OXR1: variants seen among roughly 807,000 people sequenced by gnomAD.
OXR1 encodes oxidation resistance 1, also known as oxidation resistance protein 1.
Under a neutral mutation model 104.6 loss-of-function variants are expected in OXR1, and 41 were observed. The ratio of observed to expected loss-of-function variants is 0.39; its 90% CI spans 0.31 to 0.51. OXR1 has a LOEUF of 0.51. OXR1 is among the 20% of genes least tolerant of loss of function. The probability of loss-of-function intolerance (pLI) is 0.77; values close to 1 mark genes in which losing one functional copy is unlikely to be tolerated. For synonymous variants in OXR1, 348 were observed against 348.4 expected (o/e 1.00, Z 0.01); for missense variants, 955 against 1,031.9 (o/e 0.93, Z 1.02).
At chr8:106,681,458 C>T (rs867171366) in intron 4 of OXR1, among the ~76,000 whole-genome samples, 18 of 152,196 alleles carry the variant, frequency 1.2e-4, no homozygotes, top group East Asian at 5.8e-4. Context: ...CAAATGCACA[C>T]GCACCTGCTT....
intron 2 of OXR1, among the ~76,000 whole-genome samples, chr8:106,398,978 C>G (rs1817896143): frequency 6.6e-6 from 1 of 152,110 alleles, no homozygotes; most frequent in Non-Finnish European, 1.5e-5. Context: ...AATCCCTCCC[C>G]AACAAAGTCA....
At chr8:106,501,254 G>A (rs775607237) in intron 2 of OXR1, among the ~76,000 whole-genome samples, 1 of 152,166 alleles carries the variant, frequency 6.6e-6, no homozygotes, top group Non-Finnish European at 1.5e-5. Context: ...TTGCCAAGTA[G>A]CTAGGAAGAC....
chr8:106,679,136 GCT>G lies in OXR1; in HGVS notation c.221-71_221-70del, dbSNP rs1380410784. The G allele has an allele frequency of 4.8e-6, 4 of 827,208 alleles. No individual in the cohort carries two copies. The South Asian group carries it at 6.1e-5, about 13-fold the overall frequency. The allele number at this position is 827,208 out of a possible 1,614,324, so 51.2% of individuals were successfully genotyped here. On this transcript the variant is annotated intron_variant, in intron 3 of 16. Coordinates refer to ENST00000517566, the MANE Select transcript of OXR1 (RefSeq NM_001198533.2). ...AGTAAATTAGACATCTGCCCAAAGA[GCT>G]CTATTCAGTAGTCCTTGACATTACT...
At chr8:106,435,423 C>G (rs540738519) in intron 2 of OXR1, among the ~76,000 whole-genome samples, 211 of 152,256 alleles carry the variant, frequency 1.4e-3, no homozygotes, top group Non-Finnish European at 2.4e-3. Flanking sequence ...CAGGTCTTCT[C>G]CCTAATCACC....
At chr8:106,325,576 T>C (rs1814437555) in intron 1 of OXR1, among the ~76,000 whole-genome samples, 1 of 152,172 alleles carries the variant, frequency 6.6e-6, no homozygotes, top group East Asian at 1.9e-4. Flanking sequence ...GAACACACAT[T>C]GTGTACATGC....
At chr8:106,300,181 C>G (rs553569876) in intron 1 of OXR1, among the ~76,000 whole-genome samples, 1 of 152,234 alleles carries the variant, frequency 6.6e-6, no homozygotes, top group African/African-American at 2.4e-5. Flanking sequence ...CTAGAAAGGT[C>G]AATCTTCCTG....
intron 2 of OXR1, among the ~76,000 whole-genome samples, chr8:106,413,723 ACTTT>A (rs1377237800): frequency 5.6e-3 from 822 of 145,622 alleles, no homozygotes; most frequent in Middle Eastern, 0.011. Flanking sequence ...TGCTGTATCT[ACTTT>A]TTTTTTTTTT....
chr8:106,334,277 G>A (rs1814859028), intron 1 of OXR1, among the ~76,000 whole-genome samples: 2 of 152,090 alleles, frequency 1.3e-5, no homozygotes. Context: ...GGTAGTGTAT[G>A]GAAATACAAC....
chr8:106,391,316 G>T (rs1817579155), intron 2 of OXR1, among the ~76,000 whole-genome samples: 1 of 152,102 alleles, frequency 6.6e-6, no homozygotes, highest in Non-Finnish European at 1.5e-5. Context: ...ATCTAATTCA[G>T]CCAGGGTTAA....
At chr8:106,541,489 A>T (rs2130329098) in intron 3 of OXR1, among the ~76,000 whole-genome samples, 1 of 152,362 alleles carries the variant, frequency 6.6e-6, no homozygotes, top group South Asian at 2.1e-4. Context: ...AATGGTGAAG[A>T]AATGAAAGAA....
chr8:106,539,508 G>T lies in OXR1; in HGVS notation c.220+20369G>T, dbSNP rs140326295. Among the ~76,000 whole-genome samples, 32 of 151,990 alleles carry T rather than the reference G, an allele frequency of 2.1e-4. 1 individual carries two copies. In the East Asian group the frequency reaches 6.2e-3, roughly 29 times the overall value. On this transcript the variant is annotated intron_variant, in intron 3 of 16. Transcript: ENST00000517566. ...CTGATAAAATTACAGTGGTTTTTTT[G>T]ATGAAAATCAAAATTAAGCTCGGTA...
chr8:106,638,682 C>T (rs900164494), intron 3 of OXR1, among the ~76,000 whole-genome samples: 3 of 152,168 alleles, frequency 2.0e-5, no homozygotes, highest in Non-Finnish European at 4.4e-5. Context: ...GGGCAGATCA[C>T]CTGAGTTCAG....
At chr8:106,577,434 G>A (rs1817932480) in intron 3 of OXR1, among the ~76,000 whole-genome samples, 1 of 131,918 alleles carries the variant, frequency 7.6e-6, no homozygotes, top group Non-Finnish European at 1.5e-5. Context: ...CTGTCAGCCA[G>A]GCTGGAGTGC....
intron 3 of OXR1, among the ~76,000 whole-genome samples, chr8:106,675,919 A>G (rs919347396): frequency 1.3e-5 from 2 of 152,070 alleles, no homozygotes; most frequent in African/African-American, 4.8e-5. Flanking sequence ...GTTTGGGAGT[A>G]TAAGTCTCTT....
chr8:106,401,005 T>C (rs185663879), intron 2 of OXR1, among the ~76,000 whole-genome samples: 22 of 152,310 alleles, frequency 1.4e-4, no homozygotes, highest in African/African-American at 5.3e-4. Context: ...AAATGAAAAG[T>C]AAAACATTTC....
chr8:106,694,401 TTA>T (rs1225815199), intron 7 of OXR1, among the ~76,000 whole-genome samples: 11 of 137,794 alleles, frequency 8.0e-5, no homozygotes, highest in Non-Finnish European at 1.1e-4. Flanking sequence ...CATTATATAT[TTA>T]TATATATATT....
chr8:106,296,497 G>T (rs1193503589), intron 1 of OXR1, among the ~76,000 whole-genome samples: 1 of 152,112 alleles, frequency 6.6e-6, no homozygotes, highest in African/African-American at 2.4e-5. Flanking sequence ...TACATTTTAA[G>T]ATAAGTAACC....
chr8:106,699,327 G>T (rs556851396), intron 7 of OXR1, among the ~76,000 whole-genome samples: 87 of 152,266 alleles, frequency 5.7e-4, no homozygotes, highest in African/African-American at 2.1e-3. Context: ...AGCTGGAAGG[G>T]AACCCTTTGT....
chr8:106,662,478 G>T (rs1825859602), intron 3 of OXR1, among the ~76,000 whole-genome samples: 1 of 152,176 alleles, frequency 6.6e-6, no homozygotes, highest in Non-Finnish European at 1.5e-5. Context: ...TGATATTCTT[G>T]TTACTGGTTC....
Sources: gnomAD v4.1 joint callset for allele counts (sites outside exome capture counted in the v4.1 genomes callset) on GRCh38, gnomAD v4.1.1 for gene constraint, MANE v1.5 for transcripts, NCBI Gene and HGNC (gene_info 2026-07-23, HGNC 2026-07-21) for gene names.